The following BMAL1 variants were observed in gnomAD, a reference collection of about 807,000 sequenced individuals.
BMAL1 encodes the protein basic helix-loop-helix ARNT like 1, also known as basic helix-loop-helix ARNT-like protein 1.
At chr11:13,371,594 G>T in the BMAL1 span, among the ~76,000 whole-genome samples, 3 of 152,298 alleles carry the variant, frequency 2.0e-5, no homozygotes, top group Admixed American at 6.5e-5. Context: ...ATTTGATTTT[G>T]CTGTTTCTGC....
chr11:13,363,121 T>C, the BMAL1 span, among the ~76,000 whole-genome samples: 20 of 121,974 alleles, frequency 1.6e-4, no homozygotes, highest in Non-Finnish European at 3.2e-4. Flanking sequence ...ATCTATGTCT[T>C]TATTTCATAT....
At chr11:13,327,125 C>T in the BMAL1 span, among the ~76,000 whole-genome samples, 10 of 151,814 alleles carry the variant, frequency 6.6e-5, no homozygotes, top group South Asian at 1.7e-3. Context: ...CAGCCCATAG[C>T]GGTTCACTCA....
chr11:13,307,551 C>T, the BMAL1 span, among the ~76,000 whole-genome samples: 1 of 152,216 alleles, frequency 6.6e-6, no homozygotes, highest in Non-Finnish European at 1.5e-5. Context: ...TTCCCCACTG[C>T]CACCAAGGGC....
At chr11:13,298,979 C>A in the BMAL1 span, among the ~76,000 whole-genome samples, 83,085 of 151,962 alleles carry the variant, frequency 0.55, 26,356 homozygotes, top group Non-Finnish European at 0.7. Context: ...GTATCTCAGG[C>A]GGTCTGCGCC....
chr11:13,322,948 CCTGT>C, the BMAL1 span, among the ~76,000 whole-genome samples: 4 of 150,938 alleles, frequency 2.7e-5, no homozygotes, highest in Non-Finnish European at 4.4e-5. Flanking sequence ...GTGCCACTTG[CCTGT>C]CTGATTTTTT....
the BMAL1 span, among the ~76,000 whole-genome samples, chr11:13,384,471 T>G: frequency 2.0e-5 from 3 of 152,228 alleles, no homozygotes; most frequent in Non-Finnish European, 2.9e-5. Context: ...TTCATTGATA[T>G]GGTTTCAGAT....
the BMAL1 span, among the ~76,000 whole-genome samples, chr11:13,298,887 C>T: frequency 6.6e-6 from 1 of 152,208 alleles, no homozygotes; most frequent in Non-Finnish European, 1.5e-5. Context: ...GCATTTATCA[C>T]ACTGCAGTAG....
At chr11:13,360,513 C>A in the BMAL1 span, 1 of 1,248,904 alleles carries the variant, frequency 8.0e-7, no homozygotes, top group South Asian at 1.3e-5. Context: ...TGTTTCAACA[C>A]TGAGCTTTTT....
At chr11:13,371,629 C>T in the BMAL1 span, among the ~76,000 whole-genome samples, 1 of 152,214 alleles carries the variant, frequency 6.6e-6, no homozygotes, top group East Asian at 1.9e-4. Context: ...AGATGCTCTC[C>T]ATTTCCTGCC....
chr11:13,361,356 G>A, the BMAL1 span, among the ~76,000 whole-genome samples: 5 of 152,150 alleles, frequency 3.3e-5, no homozygotes, highest in South Asian at 2.1e-4. Flanking sequence ...ATTCAGAAAC[G>A]TGTTCTTGTA....
the BMAL1 span, among the ~76,000 whole-genome samples, chr11:13,278,441 C>A: frequency 1.3e-5 from 2 of 152,214 alleles, no homozygotes; most frequent in Admixed American, 1.3e-4. Context: ...CGAACGGTGC[C>A]GCGTCTGCCC....
the BMAL1 span, among the ~76,000 whole-genome samples, chr11:13,298,962 C>G: frequency 1.3e-5 from 2 of 152,180 alleles, no homozygotes; most frequent in Non-Finnish European, 2.9e-5. Context: ...CTGGCCTGTT[C>G]AGATTTGTAT....
At chr11:13,376,836 C>CT in the BMAL1 span, 11 of 1,024,782 alleles carry the variant, frequency 1.1e-5, no homozygotes, top group Non-Finnish European at 1.5e-5. Context: ...TTCTGTGGAA[C>CT]AAGGGAGGCC....
the BMAL1 span, among the ~76,000 whole-genome samples, chr11:13,290,193 T>A: frequency 2.0e-5 from 3 of 152,256 alleles, no homozygotes; most frequent in African/African-American, 7.2e-5. Flanking sequence ...TTTTGAGAAA[T>A]GTCTGTTCAT....
the BMAL1 span, among the ~76,000 whole-genome samples, chr11:13,303,200 G>GGCCTTTCTAACCTT: frequency 6.6e-6 from 1 of 152,242 alleles, no homozygotes; most frequent in Non-Finnish European, 1.5e-5. Context: ...GGCTTAAGCG[G>GGCCTTTCTAACCTT]GCCTTTCTAA....
the BMAL1 span, among the ~76,000 whole-genome samples, chr11:13,335,278 A>G: frequency 6.6e-6 from 1 of 152,192 alleles, no homozygotes; most frequent in Non-Finnish European, 1.5e-5. Context: ...TAAATATGAG[A>G]ATAATAACTT....
the BMAL1 span, among the ~76,000 whole-genome samples, chr11:13,277,262 C>G: frequency 2.6e-5 from 4 of 152,120 alleles, no homozygotes; most frequent in Admixed American, 2.6e-4. Flanking sequence ...TCGGAATGCC[C>G]GGAGGGGAGA....
At chr11:13,319,797 C>G in the BMAL1 span, among the ~76,000 whole-genome samples, 2 of 152,194 alleles carry the variant, frequency 1.3e-5, no homozygotes, top group African/African-American at 4.8e-5. Context: ...GTCTTTCCCA[C>G]CAAGGGCTGA....
At chr11:13,351,180 T>G in the BMAL1 span, among the ~76,000 whole-genome samples, 1 of 152,166 alleles carries the variant, frequency 6.6e-6, no homozygotes, top group African/African-American at 2.4e-5. Context: ...GGGGCTTCAC[T>G]GATGGAATGA....
Sources: allele counts gnomAD v4.1 joint callset (sites outside exome capture counted in the v4.1 genomes callset), GRCh38; gene constraint gnomAD v4.1.1; transcripts MANE v1.5; gene names NCBI Gene and HGNC (gene_info 2026-07-23, HGNC 2026-07-21).